SLC44A5: variants seen among roughly 807,000 people sequenced by gnomAD.
SLC44A5 encodes the protein choline transporter-like protein 5.
Under a neutral mutation model 101.8 loss-of-function variants are expected in SLC44A5, and 57 were observed. The ratio of observed to expected loss-of-function variants is 0.56; its 90% CI spans 0.45 to 0.70. The LOEUF is 0.70. Ranked by LOEUF, SLC44A5 falls within the 30% of genes least tolerant of loss-of-function variation. SLC44A5 has a pLI of 0.00. For missense variants in SLC44A5, 737 were observed against 853.1 expected (o/e 0.86, Z 1.70); for synonymous variants, 281 against 290.9 (o/e 0.97, Z 0.35).
intron 6 of SLC44A5, among the ~76,000 whole-genome samples, chr1:75,255,044 G>T (rs1342410626): frequency 1.3e-5 from 2 of 152,130 alleles, no homozygotes; most frequent in Admixed American, 6.5e-5. Context: ...GAAAGCCAGT[G>T]CCTGACATCC....
rs575948683 is a variant in SLC44A5 at position 75,291,146 on chromosome 1, C to G, written c.175+9466G>C. Among the ~76,000 whole-genome samples the G allele has an allele frequency of 6.6e-5, 10 of 152,146 alleles. No homozygotes were observed. The East Asian group carries it at 1.7e-3, about 26-fold the overall frequency. ...ACTTTTTGCTGATTACTTTAATACA[C>G]TTATGTTTCTGATTATTCTAAGTCA... On this transcript the variant is annotated intron_variant, in intron 5 of 23. Coordinates refer to ENST00000370859, the MANE Select transcript of SLC44A5 (RefSeq NM_001130058.2).
intron 3 of SLC44A5, among the ~76,000 whole-genome samples, chr1:75,385,119 T>C (rs1259562088): frequency 2.0e-5 from 3 of 151,668 alleles, no homozygotes; most frequent in East Asian, 3.9e-4. Flanking sequence ...AGATCCAAAA[T>C]TGACACCCTA....
intron 3 of SLC44A5, among the ~76,000 whole-genome samples, chr1:75,386,316 T>C (rs1486841363): frequency 6.6e-6 from 1 of 152,172 alleles, no homozygotes; most frequent in African/African-American, 2.4e-5. Context: ...AACCCCATTG[T>C]CTCAGCCGAA....
chr1:75,565,089 C>G (rs550210961), intron 1 of SLC44A5, among the ~76,000 whole-genome samples: 72 of 152,214 alleles, frequency 4.7e-4, no homozygotes, highest in African/African-American at 1.6e-3. Flanking sequence ...AAGTTGTTGA[C>G]CATTACAAAC....
At chr1:75,283,372 T>G (rs150787130) in intron 5 of SLC44A5, among the ~76,000 whole-genome samples, 2 of 152,172 alleles carry the variant, frequency 1.3e-5, no homozygotes, top group Non-Finnish European at 2.9e-5. Flanking sequence ...CTGATTTGTT[T>G]GAGTTTTTTG....
intron 3 of SLC44A5, among the ~76,000 whole-genome samples, chr1:75,341,970 GATTTGGGAACCATTAATCT>G (rs1482274873): frequency 1.3e-5 from 2 of 152,186 alleles, no homozygotes; most frequent in East Asian, 3.8e-4. Flanking sequence ...TGCACAGACA[GATTTGGGAACCATTAATCT>G]ATTTGATTTT....
At position 75,611,053 on chromosome 1, in the gene SLC44A5, A is replaced by G. The variant is rs1302439479; in HGVS notation, c.-83T>C. Reference sequence around the variant, plus strand: ...AGTATCACTCACCTCTTACTCCATCATTTCTTCAATAACTCCATCAACACT... The same window carrying G: ...AGTATCACTCACCTCTTACTCCATCGTTTCTTCAATAACTCCATCAACACT... On this transcript the variant is annotated 5_prime_UTR_variant, in exon 1 of 24. An upstream start codon of the reference 5' UTR is lost. Transcript: ENST00000370859. 1.0e-6 allele frequency: 1 copy of G among 985,122 alleles called. No individual in the cohort carries two copies. The highest frequency in any genetic ancestry group is 1.1e-4 in the East Asian group (1 of 8,820). 61.0% of individuals were successfully genotyped at this position (985,122 alleles called of 1,614,324 possible).
At chr1:75,537,029 A>G (rs202062411) in intron 2 of SLC44A5, among the ~76,000 whole-genome samples, 5 of 25,252 alleles carry the variant, frequency 2.0e-4, no homozygotes, top group Non-Finnish European at 3.8e-4. Context: ...AAAAAAAAAA[A>G]AAAAATATAT....
At chr1:75,487,665 A>G (rs1668223416) in intron 2 of SLC44A5, among the ~76,000 whole-genome samples, 1 of 152,198 alleles carries the variant, frequency 6.6e-6, no homozygotes, top group African/African-American at 2.4e-5. Context: ...TCTGTCACTT[A>G]ACATCATGAA....
intron 2 of SLC44A5, among the ~76,000 whole-genome samples, chr1:75,536,803 G>A (rs1319316770): frequency 6.9e-6 from 1 of 144,652 alleles, no homozygotes; most frequent in Non-Finnish European, 1.5e-5. Context: ...TCAGGAGATC[G>A]AGACCATCCC....
chr1:75,517,002 CT>C (rs1451057780), intron 2 of SLC44A5, among the ~76,000 whole-genome samples: 1 of 152,038 alleles, frequency 6.6e-6, no homozygotes, highest in African/African-American at 2.4e-5. Flanking sequence ...TTTTAGAGGT[CT>C]TCCTTCAAAA....
intron 2 of SLC44A5, among the ~76,000 whole-genome samples, chr1:75,476,212 A>G (rs992035141): frequency 1.3e-5 from 2 of 152,070 alleles, no homozygotes; most frequent in African/African-American, 2.4e-5. Flanking sequence ...TATATATAGA[A>G]AGTTATCAAG....
At chr1:75,417,533 C>A (rs561516878) in intron 2 of SLC44A5, among the ~76,000 whole-genome samples, 1 of 152,276 alleles carries the variant, frequency 6.6e-6, no homozygotes, top group South Asian at 2.1e-4. Flanking sequence ...TATGTCTAAT[C>A]AAATGGTTGT....
intron 2 of SLC44A5, among the ~76,000 whole-genome samples, chr1:75,503,386 G>C (rs889936438): frequency 1.3e-5 from 2 of 151,998 alleles, no homozygotes; most frequent in Non-Finnish European, 2.9e-5. Context: ...TAGCCAGTGA[G>C]TTCTCACGAG....
rs201012978 is a variant in SLC44A5 at position 75,404,890 on chromosome 1, A to G, written c.14-8269T>C. On this transcript the variant is annotated intron_variant, in intron 2 of 23. Transcript: ENST00000370859. ...ATGAGTTAAATGCCCCAATTTAAAG[A>G]CACAGACTGGCAAATTGGATAAAGA... Among the ~76,000 whole-genome samples the G allele has an allele frequency of 3.3e-5, 5 of 152,248 alleles. No individual in the cohort carries two copies. The East Asian group carries it at 9.6e-4, about 29-fold the overall frequency.
At chr1:75,545,481 A>G (rs1314165054) in intron 1 of SLC44A5, among the ~76,000 whole-genome samples, 2 of 152,166 alleles carry the variant, frequency 1.3e-5, no homozygotes, top group Non-Finnish European at 2.9e-5. Context: ...GGTTAGATTC[A>G]GATTATGCTT....
chr1:75,710,824 A>G, the SLC44A5 span, among the ~76,000 whole-genome samples: 35 of 152,008 alleles, frequency 2.3e-4, no homozygotes, highest in African/African-American at 8.4e-4. Context: ...GTGCCAAAGT[A>G]TAATACGGTC....
intron 3 of SLC44A5, among the ~76,000 whole-genome samples, chr1:75,347,293 C>A (rs1658316649): frequency 6.6e-6 from 1 of 152,074 alleles, no homozygotes. Context: ...TGACTTTTGC[C>A]ACAACTCAAG....
chr1:75,613,307 A>G (rs937559317), upstream of SLC44A5, among the ~76,000 whole-genome samples: 1 of 152,226 alleles, frequency 6.6e-6, no homozygotes, highest in Non-Finnish European at 1.5e-5. Flanking sequence ...AATTTTTCCT[A>G]CCAGGCAGTC....
Sources: gnomAD v4.1 joint callset for allele counts (sites outside exome capture counted in the v4.1 genomes callset) on GRCh38, gnomAD v4.1.1 for gene constraint, MANE v1.5 for transcripts, NCBI Gene and HGNC (gene_info 2026-07-23, HGNC 2026-07-21) for gene names.